The following MTR variants were observed in gnomAD, a reference collection of about 807,000 sequenced individuals.
The protein encoded by MTR is 5-methyltetrahydrofolate-homocysteine methyltransferase, also known as methionine synthase.
In MTR, 84 loss-of-function variants were observed where a neutral mutation model predicts 154.8. That is an observed-to-expected ratio of 0.54 (90% CI 0.45 to 0.65). MTR has a LOEUF of 0.65. MTR is among the 30% of genes least tolerant of loss of function. The pLI is 0.00. For missense variants in MTR, 1,275 were observed against 1,570.2 expected (o/e 0.81, Z 3.18); for synonymous variants, 554 against 553.9 (o/e 1.00, Z 0.00).
chr1:236,883,481 G>A (rs767149751), intron 25 of MTR, among the ~76,000 whole-genome samples: 1 of 152,174 alleles, frequency 6.6e-6, no homozygotes, highest in Non-Finnish European at 1.5e-5. Context: ...GGATGTCAAG[G>A]ACATCTGGTT....
Position 236,874,581 on chromosome 1 carries a change from A to AT in MTR, c.2474-145_2474-144insT, listed in dbSNP as rs1189571643. On this transcript the variant is annotated intron_variant, in intron 23 of 32. Coordinates refer to ENST00000366577, the MANE Select transcript of MTR (RefSeq NM_000254.3). Reference sequence around the variant, plus strand: ...ATGAGACTCCATCTCAAAAAAAAAAAAAAAGAATTAGGAATTGGGAATTCA... The same window carrying AT: ...ATGAGACTCCATCTCAAAAAAAAAAATAAAAGAATTAGGAATTGGGAATTCA... The AT allele has an allele frequency of 2.0e-3, 1,290 of 631,088 alleles. 8 individuals are homozygous for AT. The highest frequency in any genetic ancestry group is 0.016 in the African/African-American group (837 of 53,262). The allele number at this position is 631,088 out of a possible 1,614,324, so 39.1% of individuals were successfully genotyped here.
At position 236,844,610 on chromosome 1, in the gene MTR, G is replaced by C. The variant is rs1157528306; in HGVS notation, c.1516-5734G>C. On this transcript the variant is annotated intron_variant, in intron 15 of 32. Coordinates refer to ENST00000366577, the MANE Select transcript of MTR (RefSeq NM_000254.3). ...ATACATTTGCCAGAGCCATGACCTTGTGAGTTGAGAGAGATGGCAGTCACT... is the reference window on the plus strand; with the variant it reads ...ATACATTTGCCAGAGCCATGACCTTCTGAGTTGAGAGAGATGGCAGTCACT... Among the ~76,000 whole-genome samples, 4 of 152,126 alleles carry C rather than the reference G, an allele frequency of 2.6e-5. No homozygotes were observed. In the South Asian group the frequency reaches 8.3e-4, roughly 32 times the overall value.
intron 7 of MTR, 128 bp from the exon 8 acceptor site, chr1:236,816,321 T>C: frequency 1.2e-6 from 1 of 818,242 alleles, no homozygotes; most frequent in Non-Finnish European, 2.1e-6. Context: ...CCCCTTTGAA[T>C]TTGAGTTCCA....
At chr1:236,874,586 G>T in intron 23 of MTR, 140 bp from the exon 24 acceptor site, 4 of 584,942 alleles carry the variant, frequency 6.8e-6, no homozygotes, top group African/African-American at 1.9e-5. Flanking sequence ...AAAAAAAAAA[G>T]AATTAGGAAT....
Position 236,824,026 on chromosome 1 carries a change from C to G in MTR, c.765-93C>G, listed in dbSNP as rs146176521. On this transcript the variant is annotated intron_variant, in intron 8 of 32. Coordinates refer to ENST00000366577, the MANE Select transcript of MTR (RefSeq NM_000254.3). ...TTTGAATGAGGAGATTTATTATCCA[C>G]TTGGTTTTAGATATATTGTCTCCAT... is the stretch of plus-strand genomic sequence containing the variant. 2.1e-4 allele frequency: 223 copies of G among 1,074,582 alleles called. No homozygotes were observed. The African/African-American group carries it at 3.1e-3, about 15-fold the overall frequency. 66.6% of individuals were successfully genotyped at this position (1,074,582 alleles called of 1,614,324 possible).
At chr1:236,868,216 T>C (rs1664926376) in intron 22 of MTR, among the ~76,000 whole-genome samples, 1 of 152,100 alleles carries the variant, frequency 6.6e-6, no homozygotes, top group South Asian at 2.1e-4. Context: ...GAACATCAAG[T>C]CAAGACCCTC....
intron 22 of MTR, among the ~76,000 whole-genome samples, chr1:236,870,819 C>CT (rs1330112438): frequency 6.6e-6 from 1 of 152,226 alleles, no homozygotes; most frequent in Admixed American, 6.5e-5. Context: ...CAGCTCTCCC[C>CT]TATTTCAAGA....
chr1:236,827,770 C>G (rs1464762216), intron 11 of MTR, among the ~76,000 whole-genome samples: 2 of 152,082 alleles, frequency 1.3e-5, no homozygotes, highest in Non-Finnish European at 2.9e-5. Context: ...AGTTTTATAG[C>G]TTATAGGAAG....
At chr1:236,848,556 C>T (rs766600095) in intron 15 of MTR, among the ~76,000 whole-genome samples, 2 of 152,150 alleles carry the variant, frequency 1.3e-5, no homozygotes, top group Non-Finnish European at 2.9e-5. Context: ...ACATCTCAGT[C>T]TCAACCTTAA....
At chr1:236,829,492 A>C (rs1662487294) in intron 12 of MTR, among the ~76,000 whole-genome samples, 1 of 152,180 alleles carries the variant, frequency 6.6e-6, no homozygotes, top group East Asian at 1.9e-4. Flanking sequence ...GGCCCAGGTG[A>C]TTTGCCCAGG....
chr1:236,872,899 G>C (rs576329062), intron 22 of MTR, among the ~76,000 whole-genome samples: 2 of 152,292 alleles, frequency 1.3e-5, no homozygotes, highest in East Asian at 3.9e-4. Flanking sequence ...AGCTACTCTG[G>C]AGGCTGAGGC....
chr1:236,885,914 G>A lies in MTR; in HGVS notation c.2776-378G>A, dbSNP rs1665985881. Among the ~76,000 whole-genome samples the A allele has an allele frequency of 3.3e-5, 5 of 152,066 alleles. No individual in the cohort carries two copies. In the South Asian group the frequency reaches 1.0e-3, roughly 32 times the overall value. On this transcript the variant is annotated intron_variant, in intron 26 of 32. Coordinates refer to ENST00000366577, the MANE Select transcript of MTR (RefSeq NM_000254.3). ...GGCTTTTTTCTCTCTCCTTAGGTTC[G>A]CCCACAGTGGACAGTTTCTTTAATT... is the stretch of plus-strand genomic sequence containing the variant.
In MTR at chr1:236,897,686, A is replaced by G. The variant is rs765261960; in HGVS notation, c.*42A>G. The G allele has an allele frequency of 6.6e-7, 1 of 1,519,338 alleles. No individual in the cohort carries two copies. Among genetic ancestry groups the G allele is most frequent in the Admixed American group, 1.7e-5 (1 of 59,552 alleles). 94.1% of individuals were successfully genotyped at this position (1,519,338 alleles called of 1,614,324 possible). A position where few individuals can be genotyped will look rare whatever the true frequency, so the allele number is the denominator to read the frequency against. On this transcript the variant is annotated 3_prime_UTR_variant, in exon 33 of 33. Transcript: ENST00000366577. ...GCCTTTTTTATTCTTGATGATCCTC[A>G]AGGAAATACAACCTAGGGTGCCTTA...
chr1:236,800,669 CT>C (rs1298029782), intron 1 of MTR, among the ~76,000 whole-genome samples: 2 of 152,208 alleles, frequency 1.3e-5, no homozygotes, highest in Non-Finnish European at 2.9e-5. Context: ...GCCCACTGAG[CT>C]TTGTAATATA....
At chr1:236,826,694 G>C (rs1464603352) in intron 10 of MTR, 135 bp from the exon 11 acceptor site, 1 of 737,534 alleles carries the variant, frequency 1.4e-6, no homozygotes, top group Non-Finnish European at 2.5e-6. Context: ...TGTATCTAGA[G>C]TTAAGTATGT....
intron 9 of MTR, among the ~76,000 whole-genome samples, 176 bp downstream of exon 9, chr1:236,824,395 G>A (rs1271921647): frequency 6.6e-6 from 1 of 152,136 alleles, no homozygotes; most frequent in Non-Finnish European, 1.5e-5. Context: ...GGGAAGTTCG[G>A]CTCACCCTGA....
At chr1:236,871,571 A>T (rs190015458) in intron 22 of MTR, among the ~76,000 whole-genome samples, 25 of 152,286 alleles carry the variant, frequency 1.6e-4, no homozygotes, top group African/African-American at 6.0e-4. Flanking sequence ...TAAAAGCAGT[A>T]TGCTATTTTT....
chr1:236,894,407 C>A lies in MTR; in HGVS notation c.3255C>A (p.Phe1085Leu), dbSNP rs766355068. ...STEPYYCLSD[F>L]IAPLHSGIRD... is the part of the protein sequence containing the mutation. ...AGCCATACTACTGCCTCTCAGACTT[C>A]ATCGCTCCCTTGCATTCTGGCATCC... The change falls in exon 30 of 33, where the codon TTC (phenylalanine) becomes TTA (leucine). Residue 1085 changes from phenylalanine to leucine, a missense_variant. Phe to Leu is a conservative substitution (Grantham distance 22). Coordinates refer to ENST00000366577, the MANE Select transcript of MTR (RefSeq NM_000254.3). 9.3e-6 allele frequency: 15 copies of A among 1,614,142 alleles called. No homozygotes were observed. The highest frequency in any genetic ancestry group is 1.3e-5 in the Non-Finnish European group (15 of 1,180,058).
chr1:236,835,653 G>T lies in MTR; in HGVS notation c.1295G>T (p.Cys432Phe). Residue 432 changes from cysteine (C) to phenylalanine (F), a missense_variant, in exon 14 of 33, where the codon TGC becomes TTC. Physicochemically the swap from Cys to Phe is radical, Grantham distance 205 (BLOSUM62 -2). Coordinates refer to ENST00000366577, the MANE Select transcript of MTR (RefSeq NM_000254.3). ...LDGPSAMTRFCNLIASEPDIA... is the reference protein window; with the variant it reads ...LDGPSAMTRFFNLIASEPDIA... The stretch of plus-strand genomic sequence containing the variant: ...GGTCCAAGTGCAATGACCAGATTTT[G>T]CAACTTAATTGCTTCCGAGCCAGAC... 5.0e-6 allele frequency: 8 copies of T among 1,611,570 alleles called. No individual in the cohort carries two copies. The highest frequency in any genetic ancestry group is 6.8e-6 in the Non-Finnish European group (8 of 1,179,572).
Sources: gnomAD v4.1 joint callset for allele counts (sites outside exome capture counted in the v4.1 genomes callset) on GRCh38, gnomAD v4.1.1 for gene constraint, MANE v1.5 for transcripts, NCBI Gene and HGNC (gene_info 2026-07-23, HGNC 2026-07-21) for gene names.